Variants in ARFGEF1 observed in about 807,000 individuals in gnomAD.
ARFGEF1 encodes the protein brefeldin A-inhibited guanine nucleotide-exchange protein 1.
In ARFGEF1, 42 loss-of-function variants were observed where a neutral mutation model predicts 231.0. The ratio of observed to expected loss-of-function variants is 0.18; its 90% CI spans 0.14 to 0.24. The LOEUF is 0.24. ARFGEF1 is among the 10% of genes least tolerant of loss of function. The pLI, the probability that ARFGEF1 is intolerant of heterozygous loss-of-function variation, is 1.00. For synonymous variants in ARFGEF1, 710 were observed against 732.3 expected (o/e 0.97, Z 0.49); for missense variants, 1,345 against 2,192.0 (o/e 0.61, Z 7.72).
intron 1 of ARFGEF1, among the ~76,000 whole-genome samples, chr8:67,318,108 GC>G (rs1425947988): frequency 2.1e-5 from 3 of 144,990 alleles, no homozygotes; most frequent in Non-Finnish European, 4.6e-5. Flanking sequence ...GTGGTGGCGG[GC>G]GCCTATAGTC....
intron 1 of ARFGEF1, among the ~76,000 whole-genome samples, chr8:67,305,649 G>GT (rs1209741879): frequency 6.6e-6 from 1 of 152,082 alleles, no homozygotes; most frequent in Non-Finnish European, 1.5e-5. Flanking sequence ...GCCCGGCCTT[G>GT]TTTTTCTAGT....
intron 5 of ARFGEF1, among the ~76,000 whole-genome samples, chr8:67,184,744 TATA>T (rs377423199): frequency 3.6e-4 from 51 of 142,504 alleles, no homozygotes; most frequent in African/African-American, 9.5e-4. Flanking sequence ...AATAAAAAAA[TATA>T]ATAATAATAA....
chr8:67,229,671 GA>G (rs948974129), intron 23 of ARFGEF1, among the ~76,000 whole-genome samples: 2 of 151,996 alleles, frequency 1.3e-5, no homozygotes, highest in Non-Finnish European at 2.9e-5. Flanking sequence ...AACGTCTACA[GA>G]GCTCTCGCAA....
At chr8:67,252,144 C>T (rs879790831) in intron 18 of ARFGEF1, among the ~76,000 whole-genome samples, 5 of 151,948 alleles carry the variant, frequency 3.3e-5, no homozygotes, top group Non-Finnish European at 5.9e-5. Flanking sequence ...TGGTGGCGCA[C>T]GCCTGTAATC....
In ARFGEF1 at chr8:67,324,185, A is replaced by G. The variant is rs540804514; in HGVS notation, c.124+18979T>C. ...ATTTCACTCCTTTGCTTGGCATTCT[A>G]CTGTCTACAATAGAAGGTGGGGCGC... On this transcript the variant is annotated intron_variant, in intron 1 of 38. Coordinates refer to ENST00000262215, the MANE Select transcript of ARFGEF1 (RefSeq NM_006421.5). Among the ~76,000 whole-genome samples the G allele has an allele frequency of 4.6e-5, 7 of 152,276 alleles. No individual in the cohort carries two copies. The South Asian group carries it at 8.3e-4, about 18-fold the overall frequency.
intron 5 of ARFGEF1, chr8:67,177,533 A>T: frequency 3.5e-6 from 2 of 579,450 alleles, no homozygotes; most frequent in East Asian, 2.8e-5. Flanking sequence ...GTTTTTTAAT[A>T]AGTGATATCT....
At chr8:67,235,070 GTATA>G (rs374307984) in intron 22 of ARFGEF1, among the ~76,000 whole-genome samples, 296 of 146,978 alleles carry the variant, frequency 2.0e-3, no homozygotes, top group Middle Eastern at 0.017. Context: ...GTGTATGTGT[GTATA>G]TATATATATA....
intron 5 of ARFGEF1, among the ~76,000 whole-genome samples, chr8:67,180,917 A>G (rs1335485827): frequency 6.6e-6 from 1 of 152,102 alleles, no homozygotes; most frequent in Non-Finnish European, 1.5e-5. Context: ...TGTTTCTGCT[A>G]TCCTAGGGCC....
intron 1 of ARFGEF1, among the ~76,000 whole-genome samples, chr8:67,310,109 CCTCTCCCCACGGTTTCCCTCTCTTT>C (rs991209465): frequency 9.2e-5 from 14 of 152,132 alleles, no homozygotes; most frequent in Admixed American, 9.2e-4. Flanking sequence ...TCTCCCTCTC[CCTCTCCCCACGGTTTCCCTCTCTTT>C]CCACGGTCTC....
At chr8:67,239,930 G>GA (rs138931646) in intron 20 of ARFGEF1, among the ~76,000 whole-genome samples, 8,802 of 151,684 alleles carry the variant, frequency 0.058, 303 homozygotes, top group Non-Finnish European at 0.076. Context: ...CTTCAATAGA[G>GA]AAAAAAAACT....
intron 3 of ARFGEF1, among the ~76,000 whole-genome samples, chr8:67,301,018 CTAAGT>C (rs1806462874): frequency 6.6e-6 from 1 of 152,126 alleles, no homozygotes; most frequent in African/African-American, 2.4e-5. Context: ...TTATATCCCA[CTAAGT>C]TAATGATTGT....
intron 38 of ARFGEF1, chr8:67,200,113 G>T: frequency 4.8e-6 from 2 of 414,372 alleles, no homozygotes; most frequent in South Asian, 1.9e-5. Flanking sequence ...AGATTCCTGG[G>T]GTCATAATGG....
chr8:67,323,896 G>C (rs1338214845), intron 1 of ARFGEF1, among the ~76,000 whole-genome samples: 1 of 151,860 alleles, frequency 6.6e-6, no homozygotes, highest in Non-Finnish European at 1.5e-5. Context: ...CGCCCCTTGA[G>C]TTCATGCCAT....
In ARFGEF1 at chr8:67,266,219, A is replaced by C; in HGVS notation, c.1922-12T>G. On this transcript the variant is annotated splice_polypyrimidine_tract_variant and intron_variant, in intron 13 of 38. Coordinates refer to ENST00000262215, the MANE Select transcript of ARFGEF1 (RefSeq NM_006421.5). Reference sequence around the variant, plus strand: ...GGGTTTTTCCTGACCTGAAAGAAGAAAAATTGATAGAGTACATTATTCTAT... The same window carrying C: ...GGGTTTTTCCTGACCTGAAAGAAGACAAATTGATAGAGTACATTATTCTAT... The C allele has an allele frequency of 6.2e-7, 1 of 1,609,526 alleles. No individual in the cohort carries two copies. The highest frequency in any genetic ancestry group is 8.5e-7 in the Non-Finnish European group (1 of 1,176,808).
chr8:67,227,658 C>A, intron 25 of ARFGEF1, 60 bp from the exon 26 acceptor site: 1 of 1,550,706 alleles, frequency 6.4e-7, no homozygotes, highest in Non-Finnish European at 8.8e-7. Context: ...ATCTACAATT[C>A]TTTATTTTTT....
chr8:67,277,979 A>C (rs76478535), intron 7 of ARFGEF1, among the ~76,000 whole-genome samples: 1 of 152,324 alleles, frequency 6.6e-6, no homozygotes, highest in East Asian at 1.9e-4. Context: ...TATCTCTAAC[A>C]ATTTATGTTC....
chr8:67,201,916 A>G lies in ARFGEF1; in HGVS notation c.5129-311T>C. The G allele has an allele frequency of 2.8e-5, 9 of 323,044 alleles. 1 individual carries two copies. Among genetic ancestry groups the G allele is most frequent in the South Asian group, 2.5e-4 (9 of 35,568 alleles). The allele number at this position is 323,044 out of a possible 1,614,324, so 20.0% of individuals were successfully genotyped here. A position where few individuals can be genotyped will look rare whatever the true frequency, so the allele number is the denominator to read the frequency against. ...CCTGCGCCAGGGGCCTCAGATAAACAGGGGCAACCCCCAGGAGGTGAGAAC... is the reference window on the plus strand; with the variant it reads ...CCTGCGCCAGGGGCCTCAGATAAACGGGGGCAACCCCCAGGAGGTGAGAAC... On this transcript the variant is annotated intron_variant, in intron 36 of 38. Transcript: ENST00000262215.
chr8:67,271,031 AAAAAAAAAAAAAG>A (rs1805068040), intron 10 of ARFGEF1, among the ~76,000 whole-genome samples: 2 of 144,270 alleles, frequency 1.4e-5, no homozygotes, highest in African/African-American at 5.1e-5. Flanking sequence ...TCTCCAAAAA[AAAAAAAAAAAAAG>A]GAAAAAGAAA....
intron 7 of ARFGEF1, among the ~76,000 whole-genome samples, chr8:67,287,001 C>T (rs1385932076): frequency 6.6e-6 from 1 of 152,208 alleles, no homozygotes; most frequent in African/African-American, 2.4e-5. Flanking sequence ...CCACCATCCA[C>T]CTATCCATTT....
Sources: allele counts gnomAD v4.1 joint callset (sites outside exome capture counted in the v4.1 genomes callset), GRCh38; gene constraint gnomAD v4.1.1; transcripts MANE v1.5; gene names NCBI Gene and HGNC (gene_info 2026-07-23, HGNC 2026-07-21).